LYSMD4: variants seen among roughly 807,000 people sequenced by gnomAD.
LYSMD4 encodes the protein lysM and putative peptidoglycan-binding domain-containing protein 4.
Under a neutral mutation model 6.1 loss-of-function variants are expected in LYSMD4, and 9 were observed. That is an observed-to-expected ratio of 1.47 (90% CI 0.88 to 2.56). The LOEUF (loss-of-function observed/expected upper bound fraction) is 2.56. Among genes scored for constraint, LYSMD4 ranks in the 30% most tolerant of loss-of-function variants. The pLI is 0.00. For synonymous variants in LYSMD4, 143 were observed against 148.5 expected (o/e 0.96, Z 0.27); for missense variants, 384 against 373.5 (o/e 1.03, Z -0.23).
intron 2 of LYSMD4, among the ~76,000 whole-genome samples, chr15:99,729,980 T>C (rs1278891236): frequency 1.3e-5 from 2 of 152,256 alleles, no homozygotes; most frequent in South Asian, 2.1e-4. Flanking sequence ...GTTTGAACAA[T>C]TTAAGATCAG....
In LYSMD4 at chr15:99,728,758, C is replaced by T. The variant is rs1295659230; in HGVS notation, c.*365G>A. The T allele has an allele frequency of 7.7e-6, 2 of 261,048 alleles. No individual in the cohort carries two copies. Among genetic ancestry groups the T allele is most frequent in the South Asian group, 5.9e-5 (1 of 16,876 alleles). 16.2% of individuals were successfully genotyped at this position (261,048 alleles called of 1,614,324 possible). ...AGAGCCAGGCAAGCCGCGCAGATGCCACTGGCTCTCACGCTGCAGGTCCCT... is the reference window on the plus strand; with the variant it reads ...AGAGCCAGGCAAGCCGCGCAGATGCTACTGGCTCTCACGCTGCAGGTCCCT... On this transcript the variant is annotated 3_prime_UTR_variant, in exon 3 of 3. Transcript: ENST00000684762.
At chr15:99,726,426 G>A (rs1037206634), downstream of LYSMD4, among the ~76,000 whole-genome samples, 1 of 152,066 alleles carries the variant, frequency 6.6e-6, no homozygotes. Context: ...CTACAGGCAT[G>A]AGCCACTGTG....
rs999613228 is a variant in LYSMD4, at chr15:99,729,220, C to A, written c.794G>T (p.Gly265Val). Residue 265 changes from glycine to valine, a missense_variant, in exon 3 of 3, where the codon GGT becomes GTT. Gly to Val is a moderately radical substitution (Grantham distance 109, BLOSUM62 -3). Coordinates refer to ENST00000684762, the MANE Select transcript of LYSMD4 (RefSeq NM_001284417.2). ...TVIPNGSMAM[G>V]TVPGQAPRLA... ...TCTGGGGGCTTGCCCTGGAACTGTACCCATTGCCATCGAGCCATTGGGGAT... is the reference window on the plus strand; with the variant it reads ...TCTGGGGGCTTGCCCTGGAACTGTAACCATTGCCATCGAGCCATTGGGGAT... The A allele has an allele frequency of 1.9e-6, 3 of 1,614,190 alleles. No homozygotes were observed. Among genetic ancestry groups the A allele is most frequent in the Non-Finnish European group, 2.5e-6 (3 of 1,180,026 alleles).
At chr15:99,717,679 GCTC>G (rs2059198700) in exon 1 of LYSMD4, 1 of 152,212 alleles carries the variant, frequency 6.6e-6, no homozygotes, top group Admixed American at 6.5e-5. Flanking sequence ...AAGCTTTGGT[GCTC>G]CTCATTTCAT....
In LYSMD4 at chr15:99,731,698, G is replaced by A; in HGVS notation, c.282+20C>T. 6.4e-7 allele frequency: 1 copy of A among 1,563,990 alleles called. No homozygotes were observed. The highest frequency in any genetic ancestry group is 8.6e-7 in the Non-Finnish European group (1 of 1,157,022). On this transcript the variant is annotated intron_variant, in intron 2 of 2. Transcript: ENST00000684762. The stretch of plus-strand genomic sequence containing the variant: ...GTTCCTTGAAACGGAGCGGGGCAGG[G>A]CCCCTGAGGGGTGTCTTACTTTGCA...
At chr15:99,733,053 C>T (rs2141148797) in intron 1 of LYSMD4, 1 of 322,022 alleles carries the variant, frequency 3.1e-6, no homozygotes, top group Non-Finnish European at 5.7e-6. Context: ...GGCACCTCAA[C>T]AAGAGCTGAC....
chr15:99,731,107 T>C, intron 2 of LYSMD4: 3 of 1,472,970 alleles, frequency 2.0e-6, no homozygotes, highest in African/African-American at 1.4e-5. Flanking sequence ...AGCACAGTGT[T>C]AGCAAAGTGA....
chr15:99,732,733 GGC>G (rs2059448777), intron 1 of LYSMD4, among the ~76,000 whole-genome samples: 1 of 152,258 alleles, frequency 6.6e-6, no homozygotes, highest in African/African-American at 2.4e-5. Flanking sequence ...CAAACACGCG[GGC>G]TGACAACTTC....
chr15:99,730,049 G>A (rs1179678826), intron 2 of LYSMD4, among the ~76,000 whole-genome samples: 1 of 152,116 alleles, frequency 6.6e-6, no homozygotes, highest in Non-Finnish European at 1.5e-5. Context: ...AATCGCTTTG[G>A]GCGAAACCAC....
At chr15:99,717,384 A>G (rs1164222019) in exon 1 of LYSMD4, 1 of 152,308 alleles carries the variant, frequency 6.6e-6, no homozygotes, top group African/African-American at 2.4e-5. Flanking sequence ...GCCCTGTGCC[A>G]GCTGATTGGC....
Position 99,728,268 on chromosome 15 carries a change from G to T in LYSMD4, c.*855C>A, listed in dbSNP as rs1376380638. ...CTGCGGCTCTCAGCACAGGCCTGACGACCGCCCAGCTTCAGACGCCAACCA... is the reference window on the plus strand; with the variant it reads ...CTGCGGCTCTCAGCACAGGCCTGACTACCGCCCAGCTTCAGACGCCAACCA... On this transcript the variant is annotated 3_prime_UTR_variant, in exon 3 of 3. Coordinates refer to ENST00000684762, the MANE Select transcript of LYSMD4 (RefSeq NM_001284417.2). 6.6e-6 allele frequency: 1 copy of T among 152,344 alleles called. No individual in the cohort carries two copies. The highest frequency in any genetic ancestry group is 1.5e-5 in the Non-Finnish European group (1 of 68,162). The allele number at this position is 152,344 out of a possible 1,614,324, so 9.4% of individuals were successfully genotyped here. A position where few individuals can be genotyped will look rare whatever the true frequency, so the allele number is the denominator to read the frequency against.
chr15:99,723,741 G>GT (rs1308559217), downstream of LYSMD4, among the ~76,000 whole-genome samples: 1 of 152,196 alleles, frequency 6.6e-6, no homozygotes, highest in African/African-American at 2.4e-5. Flanking sequence ...TGCATCGCCT[G>GT]TATCAATTAA....
chr15:99,717,629 C>G (rs573593867), exon 1 of LYSMD4: 1 of 152,194 alleles, frequency 6.6e-6, no homozygotes, highest in Non-Finnish European at 1.5e-5. Context: ...CGAGCTCTTC[C>G]CAGGCAGCCC....
Position 99,731,773 on chromosome 15 carries a change from C to T in LYSMD4, c.227G>A (p.Arg76Gln), listed in dbSNP as rs1389928179. The change falls in exon 2 of 3, where the codon CGG becomes CAG. Residue 76 changes from arginine (R) to glutamine (Q), a missense_variant. Arg to Gln is a conservative substitution (Grantham distance 43, BLOSUM62 1). Transcript: ENST00000684762. ...GAGGCTGTCCTCCTGGGCCAGCTCC[C>T]GCTGCAGCAGCACCACGTCACCTGC... ...AGAGDVVLLQRELAQEDSLNK... is the reference protein window; with the variant it reads ...AGAGDVVLLQQELAQEDSLNK... 2 of 1,610,104 alleles carry T rather than the reference C, an allele frequency of 1.2e-6. No homozygotes were observed. Among genetic ancestry groups the T allele is most frequent in the Non-Finnish European group, 8.5e-7 (1 of 1,178,706 alleles).
chr15:99,726,408 T>C (rs888544415), downstream of LYSMD4, among the ~76,000 whole-genome samples: 1 of 152,076 alleles, frequency 6.6e-6, no homozygotes, highest in African/African-American at 2.4e-5. Context: ...CCTTCCAAAG[T>C]GCTGGGACTA....
At position 99,728,531 on chromosome 15, in the gene LYSMD4, G is replaced by T. The variant is rs1347282220; in HGVS notation, c.*592C>A. On this transcript the variant is annotated 3_prime_UTR_variant, in exon 3 of 3. Coordinates refer to ENST00000684762, the MANE Select transcript of LYSMD4 (RefSeq NM_001284417.2). ...CAACAGTGCCGCAGTTTGGGTCCAG[G>T]GCTTTTTCAACTCTAGAAATGGCAT... The T allele has an allele frequency of 1.2e-5, 2 of 162,238 alleles. No homozygotes were observed. The highest frequency in any genetic ancestry group is 4.8e-5 in the African/African-American group (2 of 41,574). The allele number at this position is 162,238 out of a possible 1,614,324, so 10.0% of individuals were successfully genotyped here.
At chr15:99,725,752 G>C (rs1404741187), downstream of LYSMD4, among the ~76,000 whole-genome samples, 1 of 152,294 alleles carries the variant, frequency 6.6e-6, no homozygotes, top group East Asian at 1.9e-4. Flanking sequence ...CCTGCCTTGG[G>C]AGACCTTAAG....
chr15:99,729,768 G>A (rs577720817), intron 2 of LYSMD4, 37 bp from the exon 3 acceptor site: 124 of 1,549,072 alleles, frequency 8.0e-5, no homozygotes, highest in South Asian at 6.2e-4. Context: ...TAAAATATGC[G>A]GAGCTCCTTA....
chr15:99,729,680 C>T lies in LYSMD4; in HGVS notation c.334G>A (p.Ala112Thr). The T allele has an allele frequency of 6.2e-7, 1 of 1,613,764 alleles. No individual in the cohort carries two copies. The highest frequency in any genetic ancestry group is 8.5e-7 in the Non-Finnish European group (1 of 1,179,954). ...NNFIREQDLYALKSVKIPVRN... is the reference protein window; with the variant it reads ...NNFIREQDLYTLKSVKIPVRN... ...ACTGGAATCTTAACAGATTTCAAAG[C>T]ATATAAGTCTTGTTCTCTGATGAAG... The change falls in exon 3 of 3, where the codon GCT becomes ACT. Residue 112 changes from alanine to threonine, a missense_variant. Physicochemically the swap from Ala to Thr is moderately conservative, Grantham distance 58. Coordinates refer to ENST00000684762, the MANE Select transcript of LYSMD4 (RefSeq NM_001284417.2).
Sources: gnomAD v4.1 joint callset for allele counts (sites outside exome capture counted in the v4.1 genomes callset) on GRCh38, gnomAD v4.1.1 for gene constraint, MANE v1.5 for transcripts, NCBI Gene and HGNC (gene_info 2026-07-23, HGNC 2026-07-21) for gene names.